Variants in ZNF787 observed in about 807,000 individuals in gnomAD.
The protein encoded by ZNF787 is TTF-I-interacting peptide 20.
ZNF787 carries 7 observed loss-of-function variants against 16.9 expected under a neutral mutation model. That is an observed-to-expected ratio of 0.42 (90% CI 0.24 to 0.78). The LOEUF (loss-of-function observed/expected upper bound fraction) is 0.78. ZNF787 is among the 30% of genes least tolerant of loss of function. The pLI is 0.30. For missense variants in ZNF787, 551 were observed against 589.3 expected, an observed-to-expected ratio of 0.94 and a Z score of 0.67; for synonymous variants, 345 against 270.9, an observed-to-expected ratio of 1.27 and a Z score of -2.69.
chr19:56,114,538 T>C lies in ZNF787; in HGVS notation c.-11+6634A>G, dbSNP rs1463631317. Among the ~76,000 whole-genome samples the C allele has an allele frequency of 2.0e-5, 3 of 152,170 alleles. No individual in the cohort carries two copies. The East Asian group carries it at 5.8e-4, about 29-fold the overall frequency. ...CCCGGCCAGGCCTGGTCTCTCTCTC[T>C]GAGGGGCCGGGCTCAGTCCTCCACC... On this transcript the variant is annotated intron_variant, in intron 1 of 2. Coordinates refer to ENST00000610935, the MANE Select transcript of ZNF787 (RefSeq NM_001002836.4).
intron 1 of ZNF787, among the ~76,000 whole-genome samples, chr19:56,111,931 G>A (rs533948794): frequency 9.7e-4 from 148 of 152,324 alleles, no homozygotes; most frequent in African/African-American, 3.4e-3. Flanking sequence ...TGGGGACTGA[G>A]TGGAGGCTTC....
At position 56,087,869 on chromosome 19, in the gene ZNF787, A is replaced by G; in HGVS notation, c.*154T>C. The G allele has an allele frequency of 1.7e-6, 2 of 1,188,486 alleles. No individual in the cohort carries two copies. The highest frequency in any genetic ancestry group is 2.1e-6 in the Non-Finnish European group (2 of 941,550). 73.6% of individuals were successfully genotyped at this position (1,188,486 alleles called of 1,614,324 possible). ...CCCTAATACGCCCCAGTGCCCCCCC[A>G]CGGACGGCGCAGGGACAGAGGAGGG... On this transcript the variant is annotated 3_prime_UTR_variant, in exon 3 of 3. Transcript: ENST00000610935.
At chr19:56,091,896 T>TGCCGCAGCCGCAGCCGCA (rs796616298) in intron 2 of ZNF787, among the ~76,000 whole-genome samples, 1 of 142,738 alleles carries the variant, frequency 7.0e-6, no homozygotes, top group Admixed American at 6.9e-5. Context: ...CCGCTCCACT[T>TGCCGCAGCCGCAGCCGCA]GCCGCAGCCG....
chr19:56,112,968 G>A (rs2030025179), intron 1 of ZNF787, among the ~76,000 whole-genome samples: 1 of 149,144 alleles, frequency 6.7e-6, no homozygotes, highest in Non-Finnish European at 1.5e-5. Context: ...CTTCCCTTGG[G>A]GCTTTCGCTC....
intron 1 of ZNF787, among the ~76,000 whole-genome samples, chr19:56,112,844 G>C (rs1462162806): frequency 6.6e-6 from 1 of 151,862 alleles, no homozygotes; most frequent in Non-Finnish European, 1.5e-5. Flanking sequence ...TTTGTGGGGC[G>C]GGGGAGGAGC....
intron 1 of ZNF787, among the ~76,000 whole-genome samples, chr19:56,113,494 G>A (rs1450313825): frequency 6.6e-6 from 1 of 152,186 alleles, no homozygotes; most frequent in African/African-American, 2.4e-5. Flanking sequence ...TGAACTAACT[G>A]TGGTCCATCC....
intron 2 of ZNF787, among the ~76,000 whole-genome samples, chr19:56,094,187 C>CTTTTTTTTT (rs572443571): frequency 6.6e-5 from 7 of 105,460 alleles, no homozygotes; most frequent in Admixed American, 1.0e-4. Flanking sequence ...TCATGCCCGG[C>CTTTTTTTTT]TTTTTTTTTT....
intron 1 of ZNF787, among the ~76,000 whole-genome samples, chr19:56,110,386 A>T (rs2029944036): frequency 6.6e-6 from 1 of 152,136 alleles, no homozygotes; most frequent in Non-Finnish European, 1.5e-5. Context: ...AAAGAAAAAG[A>T]AAAACGAAAT....
At chr19:56,103,384 T>C in intron 1 of ZNF787, 157 bp from the exon 2 acceptor site, 1 of 598,868 alleles carries the variant, frequency 1.7e-6, no homozygotes, top group Non-Finnish European at 2.7e-6. Context: ...AGAACTGGCC[T>C]GGAGCTAGCC....
At chr19:56,119,962 G>A (rs1172250365) in intron 1 of ZNF787, among the ~76,000 whole-genome samples, 1 of 117,360 alleles carries the variant, frequency 8.5e-6, no homozygotes, top group African/African-American at 2.7e-5. Flanking sequence ...CATGGGACCT[G>A]GGAGCAGGAC....
At chr19:56,105,644 C>T (rs1986274005) in intron 1 of ZNF787, 1 of 152,176 alleles carries the variant, frequency 6.6e-6, no homozygotes, top group Non-Finnish European at 1.5e-5. Context: ...CACGAGAAAC[C>T]TGCCCGAGGA....
chr19:56,107,782 G>A (rs1050787857), intron 1 of ZNF787, among the ~76,000 whole-genome samples: 9 of 151,824 alleles, frequency 5.9e-5, no homozygotes, highest in South Asian at 2.1e-4. Context: ...GATGGGCAGC[G>A]TGGAGGGGAG....
At chr19:56,115,215 G>A (rs1012388343) in intron 1 of ZNF787, among the ~76,000 whole-genome samples, 4 of 152,192 alleles carry the variant, frequency 2.6e-5, no homozygotes, top group Admixed American at 6.5e-5. Flanking sequence ...CGTCTGAGCC[G>A]GTTTTGGCAG....
At chr19:56,097,521 T>C (rs1277544583) in intron 2 of ZNF787, among the ~76,000 whole-genome samples, 3 of 152,172 alleles carry the variant, frequency 2.0e-5, no homozygotes, top group African/African-American at 7.2e-5. Flanking sequence ...GGCAGTAGGA[T>C]GGACTGCGTG....
In ZNF787 at chr19:56,105,252, T is replaced by C. The variant is rs1174337143; in HGVS notation, c.-10-2025A>G. On this transcript the variant is annotated intron_variant, in intron 1 of 2. Transcript: ENST00000610935. ...GCTGGAACCTGAACCCTCGCACAGA[T>C]CAGGGAAGGGCAGGGCCGCCAGGTG... Among the ~76,000 whole-genome samples the C allele has an allele frequency of 3.9e-5, 6 of 152,134 alleles. No individual in the cohort carries two copies. In the East Asian group the frequency reaches 1.2e-3, roughly 29 times the overall value.
Position 56,087,732 on chromosome 19 carries a change from G to A in ZNF787, c.*291C>T, listed in dbSNP as rs28692674. ...ATGGCCTTCCGCTTGGGGCCTGGTCGCCACTCGGCCTCTGCAGTTCTCTCC... is the reference window on the plus strand; with the variant it reads ...ATGGCCTTCCGCTTGGGGCCTGGTCACCACTCGGCCTCTGCAGTTCTCTCC... On this transcript the variant is annotated 3_prime_UTR_variant, in exon 3 of 3. Coordinates refer to ENST00000610935, the MANE Select transcript of ZNF787 (RefSeq NM_001002836.4). 2.1e-5 allele frequency: 6 copies of A among 287,492 alleles called. No homozygotes were observed. The East Asian group carries it at 3.0e-4, about 14-fold the overall frequency. 17.8% of individuals were successfully genotyped at this position (287,492 alleles called of 1,614,324 possible).
chr19:56,101,266 C>T (rs535521910), intron 2 of ZNF787, among the ~76,000 whole-genome samples: 11 of 152,398 alleles, frequency 7.2e-5, no homozygotes, highest in African/African-American at 2.6e-4. Context: ...ACGCGAACGC[C>T]GGACACCAGA....
At chr19:56,111,834 G>A (rs753175074) in intron 1 of ZNF787, among the ~76,000 whole-genome samples, 4 of 152,174 alleles carry the variant, frequency 2.6e-5, no homozygotes, top group South Asian at 2.1e-4. Flanking sequence ...CGTCATCACC[G>A]GCTCTGCCAC....
intron 2 of ZNF787, among the ~76,000 whole-genome samples, chr19:56,092,131 T>G (rs1985626648): frequency 6.6e-6 from 1 of 151,790 alleles, no homozygotes; most frequent in African/African-American, 2.4e-5. Flanking sequence ...TTTAAAGGGA[T>G]TCAACGAATT....
Sources: gnomAD v4.1 joint callset for allele counts (sites outside exome capture counted in the v4.1 genomes callset) on GRCh38, gnomAD v4.1.1 for gene constraint, MANE v1.5 for transcripts, NCBI Gene and HGNC (gene_info 2026-07-23, HGNC 2026-07-21) for gene names.